Variants in NBEA observed in about 807,000 individuals in gnomAD.
NBEA encodes the protein neurobeachin.
In NBEA, 44 loss-of-function variants were observed where a neutral mutation model predicts 343.4. That is an observed-to-expected ratio of 0.13 (90% CI 0.10 to 0.16). The LOEUF is 0.16. NBEA is among the 10% of genes least tolerant of loss of function. NBEA has a pLI of 1.00. For synonymous variants in NBEA, 1,175 were observed against 1,238.7 expected (o/e 0.95, Z 1.08); for missense variants, 2,555 against 3,631.3 (o/e 0.70, Z 7.62).
At chr13:35,400,441 T>C (rs1480941527) in intron 38 of NBEA, among the ~76,000 whole-genome samples, 1 of 152,062 alleles carries the variant, frequency 6.6e-6, no homozygotes, top group East Asian at 1.9e-4. Flanking sequence ...AATTATCTTA[T>C]TGAGAATCAC....
At chr13:35,424,526 T>G (rs1470598330) in intron 38 of NBEA, among the ~76,000 whole-genome samples, 3 of 152,172 alleles carry the variant, frequency 2.0e-5, no homozygotes, top group Non-Finnish European at 2.9e-5. Context: ...ATAAGCTTAT[T>G]GATGTGCTGC....
intron 55 of NBEA, among the ~76,000 whole-genome samples, chr13:35,661,931 A>G (rs1286033193): frequency 6.6e-6 from 1 of 152,166 alleles, no homozygotes; most frequent in African/African-American, 2.4e-5. Flanking sequence ...CGGAGGTCTT[A>G]GAAACTCCAC....
intron 1 of NBEA, among the ~76,000 whole-genome samples, chr13:35,006,602 G>A (rs1477551026): frequency 6.6e-6 from 1 of 151,888 alleles, no homozygotes; most frequent in South Asian, 2.1e-4. Context: ...TTTACTTTCT[G>A]CCTGAAACAT....
intron 41 of NBEA, among the ~76,000 whole-genome samples, chr13:35,545,486 T>G (rs1566298272): frequency 6.6e-6 from 1 of 152,202 alleles, no homozygotes; most frequent in Non-Finnish European, 1.5e-5. Context: ...AGTAATCACA[T>G]GTATCTGAGT....
At chr13:35,155,132 T>TTA (rs1235313614) in intron 18 of NBEA, among the ~76,000 whole-genome samples, 2 of 61,864 alleles carry the variant, frequency 3.2e-5, no homozygotes, top group African/African-American at 1.3e-4. Context: ...ATTCTGTCTC[T>TTA]AAAAAAAAAA....
intron 1 of NBEA, among the ~76,000 whole-genome samples, chr13:35,039,667 G>A (rs2062577995): frequency 6.6e-6 from 1 of 152,112 alleles, no homozygotes; most frequent in Non-Finnish European, 1.5e-5. Flanking sequence ...TAAATGCCAT[G>A]TAAGGTTAAG....
At chr13:35,515,103 T>C (rs1342108000) in intron 41 of NBEA, among the ~76,000 whole-genome samples, 1 of 152,208 alleles carries the variant, frequency 6.6e-6, no homozygotes, top group Admixed American at 6.5e-5. Context: ...GGAAGAATTA[T>C]GTGAGTGAAG....
chr13:35,446,251 A>C (rs1006914546), intron 39 of NBEA, among the ~76,000 whole-genome samples: 1 of 152,096 alleles, frequency 6.6e-6, no homozygotes, highest in Non-Finnish European at 1.5e-5. Flanking sequence ...AGTCTTTGCT[A>C]TTGTGTATAG....
chr13:35,050,210 A>C (rs2063017230), intron 5 of NBEA, 59 bp from the exon 6 acceptor site: 1 of 1,497,952 alleles, frequency 6.7e-7, no homozygotes, highest in Non-Finnish European at 9.1e-7. Flanking sequence ...TTTAATAGCC[A>C]TTAGGTGTTT....
intron 33 of NBEA, among the ~76,000 whole-genome samples, chr13:35,229,092 A>G (rs1380451016): frequency 3.3e-5 from 5 of 152,118 alleles, no homozygotes; most frequent in African/African-American, 9.7e-5. Flanking sequence ...GTGTAGTGGC[A>G]TGATCATAGC....
rs1337345497 is a variant in NBEA, at chr13:35,663,667, A to G, written c.8363-1418A>G. ...CTTATTTTACCAGGAAGCCCAGGGC[A>G]TCTTTGAAACAATTTTTTTTTCTTT... is the stretch of plus-strand genomic sequence containing the variant. On this transcript the variant is annotated intron_variant, in intron 55 of 58. Coordinates refer to ENST00000379939, the MANE Select transcript of NBEA (RefSeq NM_001385012.1). Among the ~76,000 whole-genome samples, 4 of 152,286 alleles carry G rather than the reference A, an allele frequency of 2.6e-5. No individual in the cohort carries two copies. The East Asian group carries it at 7.7e-4, about 29-fold the overall frequency.
intron 18 of NBEA, among the ~76,000 whole-genome samples, chr13:35,143,826 T>C (rs901063979): frequency 6.6e-6 from 1 of 150,940 alleles, no homozygotes; most frequent in African/African-American, 2.4e-5. Flanking sequence ...AGGTCAAGGC[T>C]GCACTGAGCT....
In NBEA at chr13:35,589,343, C is replaced by G. The variant is rs1593303105; in HGVS notation, c.7177-3985C>G. On this transcript the variant is annotated intron_variant, in intron 46 of 58. Coordinates refer to ENST00000379939, the MANE Select transcript of NBEA (RefSeq NM_001385012.1). ...TAAAAGGGGAATAATTACACCTACT[C>G]TGAAGGGCGATAGTAGGGATTCAGT... 3.9e-5 allele frequency among the ~76,000 whole-genome samples: 6 copies of G among 152,230 alleles called. No homozygotes were observed. The South Asian group carries it at 1.2e-3, about 32-fold the overall frequency.
chr13:35,224,497 C>G (rs2074546543), intron 33 of NBEA, among the ~76,000 whole-genome samples: 1 of 152,000 alleles, frequency 6.6e-6, no homozygotes, highest in Admixed American at 6.6e-5. Flanking sequence ...TTTTATTGGC[C>G]TATCTTCAAA....
chr13:35,232,051 G>T (rs1019669192), intron 33 of NBEA, among the ~76,000 whole-genome samples: 1 of 152,098 alleles, frequency 6.6e-6, no homozygotes, highest in South Asian at 2.1e-4. Flanking sequence ...GTATTACAAC[G>T]AATTTCAGTT....
chr13:35,386,686 G>A (rs1175647034), intron 38 of NBEA, among the ~76,000 whole-genome samples: 3 of 152,080 alleles, frequency 2.0e-5, no homozygotes, highest in African/African-American at 7.2e-5. Context: ...TTAACAATTA[G>A]TTTGTAACCA....
intron 10 of NBEA, among the ~76,000 whole-genome samples, chr13:35,080,623 G>C (rs1451540850): frequency 6.6e-6 from 1 of 152,152 alleles, no homozygotes; most frequent in African/African-American, 2.4e-5. Flanking sequence ...ATAGCAGTTT[G>C]GGTATTTGGT....
intron 45 of NBEA, among the ~76,000 whole-genome samples, chr13:35,573,507 G>T (rs1394474559): frequency 3.3e-5 from 5 of 152,190 alleles, no homozygotes; most frequent in Admixed American, 3.3e-4. Context: ...TATATCTCCA[G>T]TGTTGCTTGT....
At chr13:35,400,225 G>A (rs1192045174) in intron 38 of NBEA, among the ~76,000 whole-genome samples, 72 of 94,842 alleles carry the variant, frequency 7.6e-4, no homozygotes, top group African/African-American at 1.6e-3. Flanking sequence ...AAAAAAAAAA[G>A]TATCTGTGAG....
Sources: allele counts gnomAD v4.1 joint callset (sites outside exome capture counted in the v4.1 genomes callset), GRCh38; gene constraint gnomAD v4.1.1; transcripts MANE v1.5; gene names NCBI Gene and HGNC (gene_info 2026-07-23, HGNC 2026-07-21).